Variants in VCF1 observed in about 807,000 individuals in gnomAD.
VCF1 encodes the protein protein VCF1.
the VCF1 span, among the ~76,000 whole-genome samples, chr17:73,226,658 A>G: frequency 6.6e-6 from 1 of 152,198 alleles, no homozygotes; most frequent in South Asian, 2.1e-4. Context: ...AAAGTTCCAG[A>G]ACACCCAACT....
chr17:73,230,729 G>C, the VCF1 span, among the ~76,000 whole-genome samples: 2 of 152,146 alleles, frequency 1.3e-5, no homozygotes, highest in African/African-American at 4.8e-5. Flanking sequence ...TCCTAGAGCT[G>C]GCAGAGCTGG....
At chr17:73,230,455 C>A in the VCF1 span, among the ~76,000 whole-genome samples, 2 of 151,704 alleles carry the variant, frequency 1.3e-5, no homozygotes, top group Admixed American at 1.3e-4. Context: ...GGCTTGAGTG[C>A]AGTGATCTCC....
the VCF1 span, among the ~76,000 whole-genome samples, chr17:73,231,575 C>T: frequency 4.1e-4 from 63 of 152,194 alleles, no homozygotes; most frequent in Admixed American, 1.9e-3. Flanking sequence ...TGGTCATCTG[C>T]CCTTCTGTGT....
At chr17:73,208,282 T>G in the VCF1 span, 2 of 1,612,228 alleles carry the variant, frequency 1.2e-6, no homozygotes, top group Non-Finnish European at 1.7e-6. Context: ...TCAGGCCAAC[T>G]CTAAGGCACT....
chr17:73,218,623 G>A, the VCF1 span, among the ~76,000 whole-genome samples: 2 of 152,176 alleles, frequency 1.3e-5, no homozygotes, highest in African/African-American at 4.8e-5. Flanking sequence ...GGTGGCTCAC[G>A]CCTGTAATCC....
the VCF1 span, among the ~76,000 whole-genome samples, chr17:73,231,248 G>A: frequency 4.6e-5 from 7 of 152,128 alleles, no homozygotes. Flanking sequence ...GGATCCTTGT[G>A]GAAAGACCGT....
chr17:73,221,186 CG>C, the VCF1 span, among the ~76,000 whole-genome samples: 12 of 264 alleles, frequency 0.045, 1 homozygote, highest in African/African-American at 0.11. Flanking sequence ...CATGAGCCAC[CG>C]GGCCCCAGCC....
the VCF1 span, among the ~76,000 whole-genome samples, chr17:73,210,071 T>A: frequency 6.6e-6 from 1 of 152,180 alleles, no homozygotes; most frequent in South Asian, 2.1e-4. Context: ...ATATCCTAAT[T>A]CTTTTGCACA....
chr17:73,216,045 A>G, the VCF1 span, among the ~76,000 whole-genome samples: 5 of 152,326 alleles, frequency 3.3e-5, no homozygotes, highest in East Asian at 9.7e-4. Context: ...TGAGGGCTGC[A>G]GGAACAGGTG....
chr17:73,230,585 CAG>C, the VCF1 span, among the ~76,000 whole-genome samples: 1 of 152,088 alleles, frequency 6.6e-6, no homozygotes, highest in East Asian at 1.9e-4. Context: ...TTAGTAGAGA[CAG>C]AGTTTCACCA....
At chr17:73,230,877 A>G in the VCF1 span, among the ~76,000 whole-genome samples, 1 of 152,248 alleles carries the variant, frequency 6.6e-6, no homozygotes, top group Non-Finnish European at 1.5e-5. Flanking sequence ...AGTTATGTAC[A>G]GTAGAATTTT....
At chr17:73,226,980 T>C in the VCF1 span, among the ~76,000 whole-genome samples, 1 of 152,294 alleles carries the variant, frequency 6.6e-6, no homozygotes, top group East Asian at 1.9e-4. Context: ...ATATGTACTG[T>C]TTTGCTGGGG....
chr17:73,217,376 G>C, the VCF1 span, among the ~76,000 whole-genome samples: 2 of 150,690 alleles, frequency 1.3e-5, no homozygotes, highest in African/African-American at 4.9e-5. Context: ...AAAAAGGCCA[G>C]GTGTGGTGGT....
At chr17:73,218,968 C>T in the VCF1 span, among the ~76,000 whole-genome samples, 3 of 151,540 alleles carry the variant, frequency 2.0e-5, no homozygotes, top group Non-Finnish European at 2.9e-5. Flanking sequence ...TGCAGTGAGC[C>T]GAGGTCATGC....
At chr17:73,229,663 C>T in the VCF1 span, 7 of 714,204 alleles carry the variant, frequency 9.8e-6, no homozygotes, top group South Asian at 6.4e-5. Flanking sequence ...GTCAGGAGTT[C>T]GAAACCAGCC....
At chr17:73,232,370 CT>C in the VCF1 span, 1 of 1,449,150 alleles carries the variant, frequency 6.9e-7, no homozygotes, top group South Asian at 1.4e-5. Flanking sequence ...ACCGCACCGA[CT>C]GGTAACCCCG....
the VCF1 span, among the ~76,000 whole-genome samples, chr17:73,215,970 G>A: frequency 9.9e-5 from 15 of 152,258 alleles, no homozygotes; most frequent in South Asian, 3.1e-3. Flanking sequence ...GTGTGGGTGG[G>A]CCCTTGACAG....
the VCF1 span, chr17:73,209,797 A>C: frequency 6.5e-7 from 1 of 1,537,128 alleles, no homozygotes; most frequent in Non-Finnish European, 8.7e-7. Flanking sequence ...AAACAGGGTC[A>C]CAATAAGGCT....
At chr17:73,210,736 C>T in the VCF1 span, among the ~76,000 whole-genome samples, 3 of 150,402 alleles carry the variant, frequency 2.0e-5, no homozygotes, top group East Asian at 2.0e-4. Context: ...GTACTACAAG[C>T]GTACGCCACC....
Sources: gnomAD v4.1 joint callset for allele counts (sites outside exome capture counted in the v4.1 genomes callset) on GRCh38, gnomAD v4.1.1 for gene constraint, MANE v1.5 for transcripts, NCBI Gene and HGNC (gene_info 2026-07-23, HGNC 2026-07-21) for gene names.